The following CLASP1 variants were observed in gnomAD, a reference collection of about 807,000 sequenced individuals.
CLASP1 encodes CLIP-associating protein 1.
In CLASP1, 38 loss-of-function variants were observed where a neutral mutation model predicts 192.3. That is an observed-to-expected ratio of 0.20 (90% CI 0.15 to 0.26). The LOEUF is 0.26. Among genes scored for constraint, CLASP1 ranks in the 10% least tolerant of loss-of-function variants. CLASP1 has a pLI of 1.00. For synonymous variants in CLASP1, 691 were observed against 712.8 expected, an observed-to-expected ratio of 0.97 and a Z score of 0.49; for missense variants, 1,433 against 1,932.5, an observed-to-expected ratio of 0.74 and a Z score of 4.85.
chr2:121,392,446 C>T (rs2074535467), intron 30 of CLASP1, among the ~76,000 whole-genome samples: 1 of 152,208 alleles, frequency 6.6e-6, no homozygotes, highest in South Asian at 2.1e-4. Flanking sequence ...GAAATTTAAT[C>T]TTCTCAGTAA....
chr2:121,423,154 G>A lies in CLASP1; in HGVS notation c.2212+1985C>T, dbSNP rs76172900. ...GATTTCTTTATATGCATATATTCTCGCAATGTGTGGAAATTTAAAGAAAAT... is the reference window on the plus strand; with the variant it reads ...GATTTCTTTATATGCATATATTCTCACAATGTGTGGAAATTTAAAGAAAAT... On this transcript the variant is annotated intron_variant, in intron 22 of 39. Transcript: ENST00000263710. Among the ~76,000 whole-genome samples the A allele has an allele frequency of 6.5e-3, 982 of 151,870 alleles. 15 individuals are homozygous for A. The highest frequency in any genetic ancestry group is 0.023 in the African/African-American group (937 of 41,432).
At chr2:121,365,272 T>C in exon 36 of CLASP1, 1 of 1,612,856 alleles carries the variant, frequency 6.2e-7, no homozygotes, top group Non-Finnish European at 8.5e-7. Context: ...CAGGTCAGAA[T>C]GGTCGATGGG....
At chr2:121,492,313 C>T (rs771324842) in intron 8 of CLASP1, among the ~76,000 whole-genome samples, 8 of 141,806 alleles carry the variant, frequency 5.6e-5, no homozygotes, top group Admixed American at 3.0e-4. Flanking sequence ...GGTGAGAACC[C>T]GGGAGGCGGA....
At chr2:121,363,112 T>A in intron 37 of CLASP1, 60 bp downstream of exon 38, 2 of 1,601,544 alleles carry the variant, frequency 1.2e-6, no homozygotes, top group Non-Finnish European at 8.5e-7. Flanking sequence ...TCTATCTCCA[T>A]GTCCAAACTG....
chr2:121,476,333 G>A (rs1377923016), intron 8 of CLASP1, among the ~76,000 whole-genome samples: 1 of 152,110 alleles, frequency 6.6e-6, no homozygotes, highest in African/African-American at 2.4e-5. Context: ...ACTTTAACCA[G>A]GCTGCATAGG....
chr2:121,531,823 G>C (rs1372134602), intron 2 of CLASP1, among the ~76,000 whole-genome samples: 1 of 151,844 alleles, frequency 6.6e-6, no homozygotes, highest in Non-Finnish European at 1.5e-5. Flanking sequence ...AGCCAACATC[G>C]GGCCACTGCA....
chr2:121,537,947 C>A (rs1003424688), intron 2 of CLASP1, among the ~76,000 whole-genome samples: 2 of 152,172 alleles, frequency 1.3e-5, no homozygotes, highest in African/African-American at 4.8e-5. Flanking sequence ...GAGAAAGATT[C>A]TTCCTTAACT....
At chr2:121,450,797 A>G in intron 16 of CLASP1, 116 bp downstream of exon 16, 1 of 696,988 alleles carries the variant, frequency 1.4e-6, no homozygotes, top group Non-Finnish European at 2.4e-6. Flanking sequence ...GTCATGTTTA[A>G]AAGTCATGGT....
At chr2:121,621,618 C>T (rs1222976296) in intron 1 of CLASP1, among the ~76,000 whole-genome samples, 1 of 152,172 alleles carries the variant, frequency 6.6e-6, no homozygotes, top group Non-Finnish European at 1.5e-5. Flanking sequence ...ATCAATTGAC[C>T]ATAAACAGAA....
chr2:121,421,297 C>G (rs1360775894), intron 22 of CLASP1, among the ~76,000 whole-genome samples: 2 of 152,240 alleles, frequency 1.3e-5, no homozygotes, highest in African/African-American at 4.8e-5. Flanking sequence ...GCTCTGTCAC[C>G]TGGGCTGGAG....
At chr2:121,338,614 C>CA (rs1558774498) in exon 40 of CLASP1, 1 of 152,246 alleles carries the variant, frequency 6.6e-6, no homozygotes, top group Non-Finnish European at 1.5e-5. Flanking sequence ...TGGCGGCATG[C>CA]GAGTCTCCTC....
In CLASP1 at chr2:121,407,002, G is replaced by A. The variant is rs182319123; in HGVS notation, c.2669+469C>T. Among the ~76,000 whole-genome samples, 38 of 152,256 alleles carry A rather than the reference G, an allele frequency of 2.5e-4. 1 individual carries two copies. The highest frequency in any genetic ancestry group is 7.8e-4 in the Admixed American group (12 of 15,296). ...GGGGGCAAAGGCAGCCAGATCACGA[G>A]GTCAGGAGTTCAAGACCAGCTTGGC... On this transcript the variant is annotated intron_variant, in intron 25 of 39. Coordinates refer to ENST00000263710, the Ensembl canonical transcript of CLASP1.
At chr2:121,453,831 A>C (rs541029972) in intron 14 of CLASP1, among the ~76,000 whole-genome samples, 1 of 152,226 alleles carries the variant, frequency 6.6e-6, no homozygotes, top group South Asian at 2.1e-4. Context: ...TACGAAGCGA[A>C]GCTAAGTACA....
intron 32 of CLASP1, among the ~76,000 whole-genome samples, chr2:121,383,492 A>AC (rs112951692): frequency 0.042 from 6,347 of 152,088 alleles, 167 homozygotes; most frequent in East Asian, 0.14. Context: ...GGAGTGGCAG[A>AC]ACACCCACCT....
chr2:121,602,042 G>A (rs1352364802), intron 2 of CLASP1, among the ~76,000 whole-genome samples: 2 of 152,014 alleles, frequency 1.3e-5, no homozygotes, highest in African/African-American at 4.8e-5. Flanking sequence ...GGGTATGGTG[G>A]TGCACGCCTG....
chr2:121,560,671 C>G (rs1465160114), intron 2 of CLASP1, among the ~76,000 whole-genome samples: 1 of 152,186 alleles, frequency 6.6e-6, no homozygotes, highest in African/African-American at 2.4e-5. Flanking sequence ...ATTTCAAGAA[C>G]AGCAAGTTAC....
intron 32 of CLASP1, among the ~76,000 whole-genome samples, chr2:121,385,154 T>C (rs2072919447): frequency 6.6e-6 from 1 of 152,214 alleles, no homozygotes. Flanking sequence ...TGTTAGAAAA[T>C]ATGTAGCCTA....
intron 2 of CLASP1, among the ~76,000 whole-genome samples, chr2:121,595,246 C>T (rs1262079602): frequency 1.3e-5 from 2 of 152,164 alleles, no homozygotes; most frequent in Non-Finnish European, 2.9e-5. Context: ...CATGTAACCT[C>T]GGGCAAGTTT....
intron 12 of CLASP1, 104 bp from the exon 13 acceptor site, chr2:121,459,079 G>A (rs1487196772): frequency 1.2e-6 from 1 of 803,348 alleles, no homozygotes; most frequent in African/African-American, 1.8e-5. Flanking sequence ...TATCTAGAAA[G>A]GACAAGGGTC....
Sources: allele counts gnomAD v4.1 joint callset (sites outside exome capture counted in the v4.1 genomes callset), GRCh38; gene constraint gnomAD v4.1.1; transcripts MANE v1.5; gene names NCBI Gene and HGNC (gene_info 2026-07-23, HGNC 2026-07-21).